Variants in DSCAM observed in about 807,000 individuals in gnomAD.
The protein encoded by DSCAM is DS cell adhesion molecule, also known as cell adhesion molecule DSCAM.
DSCAM carries 47 observed loss-of-function variants against 217.7 expected under a neutral mutation model. That is an observed-to-expected ratio of 0.22 (90% confidence interval 0.17 to 0.28). DSCAM has a LOEUF of 0.28. Ranked by LOEUF, DSCAM falls within the 10% of genes least tolerant of loss-of-function variation. The pLI, the probability that DSCAM is intolerant of heterozygous loss-of-function variation, is 1.00. For synonymous variants in DSCAM, 1,056 were observed against 1,015.3 expected (o/e 1.04, Z -0.76); for missense variants, 2,080 against 2,618.3 (o/e 0.79, Z 4.49).
chr21:40,396,926 A>T (rs2075183668), intron 3 of DSCAM, among the ~76,000 whole-genome samples: 2 of 152,148 alleles, frequency 1.3e-5, no homozygotes, highest in Admixed American at 6.5e-5. Context: ...AAAGAACTGA[A>T]ACTTCCCAGA....
chr21:40,414,013 C>G (rs2075347704), intron 3 of DSCAM, among the ~76,000 whole-genome samples: 1 of 152,144 alleles, frequency 6.6e-6, no homozygotes, highest in Admixed American at 6.5e-5. Context: ...AGAGCTGAAA[C>G]TGTAATATTT....
At chr21:40,233,474 C>A (rs951787319) in intron 11 of DSCAM, among the ~76,000 whole-genome samples, 7 of 152,098 alleles carry the variant, frequency 4.6e-5, no homozygotes, top group African/African-American at 1.7e-4. Flanking sequence ...ACTGACCATG[C>A]TTCAATATGT....
chr21:40,360,106 G>A (rs2074741957), intron 4 of DSCAM, among the ~76,000 whole-genome samples: 1 of 143,730 alleles, frequency 7.0e-6, no homozygotes, highest in Non-Finnish European at 1.5e-5. Context: ...TAGTGAGCAT[G>A]GTACTTCATA....
chr21:40,205,938 G>T (rs1390845825), intron 11 of DSCAM, among the ~76,000 whole-genome samples: 1 of 152,184 alleles, frequency 6.6e-6, no homozygotes, highest in African/African-American at 2.4e-5. Context: ...ATAAGTATTG[G>T]AGGTTTTACC....
At position 40,439,538 on chromosome 21, in the gene DSCAM, T is replaced by C. The variant is rs143481144; in HGVS notation, c.509-70293A>G. On this transcript the variant is annotated intron_variant, in intron 3 of 32. Transcript: ENST00000400454. ...ATGTATTCGGAACCTCAGACAGAAGTGGCTGAGATCTGAGTCCCATGCACA... is the reference window on the plus strand; with the variant it reads ...ATGTATTCGGAACCTCAGACAGAAGCGGCTGAGATCTGAGTCCCATGCACA... Among the ~76,000 whole-genome samples the C allele has an allele frequency of 6.2e-4, 94 of 152,350 alleles. 1 individual carries two copies. In the East Asian group the frequency reaches 0.017, roughly 27 times the overall value.
intron 11 of DSCAM, among the ~76,000 whole-genome samples, chr21:40,238,147 A>G (rs1333355728): frequency 6.6e-6 from 1 of 152,194 alleles, no homozygotes; most frequent in African/African-American, 2.4e-5. Context: ...TTTTTAAACC[A>G]TAATACTCCA....
At chr21:40,175,702 G>T (rs1019878518) in intron 15 of DSCAM, among the ~76,000 whole-genome samples, 4 of 151,038 alleles carry the variant, frequency 2.6e-5, no homozygotes, top group African/African-American at 9.7e-5. Context: ...GAAAGGGAAG[G>T]CATGAACATT....
intron 16 of DSCAM, among the ~76,000 whole-genome samples, chr21:40,146,405 G>T (rs1407842150): frequency 6.6e-6 from 1 of 152,116 alleles, no homozygotes; most frequent in Non-Finnish European, 1.5e-5. Flanking sequence ...CCTGCCAAAT[G>T]TGACCGGGGG....
At chr21:40,357,886 T>TG (rs2074713368) in intron 4 of DSCAM, among the ~76,000 whole-genome samples, 1 of 151,436 alleles carries the variant, frequency 6.6e-6, no homozygotes, top group African/African-American at 2.4e-5. Context: ...ACAAAAAATG[T>TG]GAGAATATAA....
intron 3 of DSCAM, among the ~76,000 whole-genome samples, chr21:40,564,321 G>T (rs1026664287): frequency 6.6e-6 from 1 of 152,162 alleles, no homozygotes; most frequent in African/African-American, 2.4e-5. Flanking sequence ...GAACAAAAAT[G>T]AAAACAATGG....
At chr21:40,379,711 CCTG>C (rs2075001272) in intron 3 of DSCAM, among the ~76,000 whole-genome samples, 1 of 152,184 alleles carries the variant, frequency 6.6e-6, no homozygotes, top group Non-Finnish European at 1.5e-5. Flanking sequence ...GCCCCACTTA[CCTG>C]CTGCCCCCAA....
At chr21:40,385,802 TAAG>T (rs1458525327) in intron 3 of DSCAM, among the ~76,000 whole-genome samples, 1 of 152,068 alleles carries the variant, frequency 6.6e-6, no homozygotes, top group East Asian at 1.9e-4. Flanking sequence ...TATATTTTTT[TAAG>T]AAGAAAAATC....
At chr21:40,059,696 T>C (rs998590203) in intron 28 of DSCAM, among the ~76,000 whole-genome samples, 6 of 152,222 alleles carry the variant, frequency 3.9e-5, no homozygotes, top group Non-Finnish European at 7.3e-5. Context: ...AATTTTTTAT[T>C]TTATTTTTAT....
chr21:40,824,176 C>T (rs1306538515), intron 1 of DSCAM, among the ~76,000 whole-genome samples: 2 of 152,086 alleles, frequency 1.3e-5, no homozygotes, highest in African/African-American at 4.8e-5. Context: ...CATCACTGTC[C>T]TAGTGGCAGA....
chr21:40,071,517 C>A (rs1180155255), intron 27 of DSCAM, among the ~76,000 whole-genome samples: 1 of 152,174 alleles, frequency 6.6e-6, no homozygotes, highest in Non-Finnish European at 1.5e-5. Flanking sequence ...CTGTTTCTAG[C>A]AATTGAAAAA....
chr21:40,742,129 G>A (rs992836984), intron 1 of DSCAM, among the ~76,000 whole-genome samples: 7 of 152,140 alleles, frequency 4.6e-5, no homozygotes, highest in Non-Finnish European at 7.3e-5. Context: ...GGTAACCTTG[G>A]CATTTTAAGA....
chr21:40,523,221 C>T (rs954107021), intron 3 of DSCAM, among the ~76,000 whole-genome samples: 1 of 152,166 alleles, frequency 6.6e-6, no homozygotes, highest in East Asian at 1.9e-4. Context: ...GCTCTACTCC[C>T]AGGCCTGTGC....
chr21:40,252,679 T>G (rs771203898), intron 11 of DSCAM, among the ~76,000 whole-genome samples: 3 of 152,198 alleles, frequency 2.0e-5, no homozygotes, highest in Non-Finnish European at 1.5e-5. Context: ...TAGGGACTTT[T>G]TACTATTGCC....
intron 4 of DSCAM, among the ~76,000 whole-genome samples, chr21:40,365,334 G>A (rs367565497): frequency 4.6e-5 from 7 of 152,274 alleles, no homozygotes; most frequent in Admixed American, 3.3e-4. Flanking sequence ...TCTTTCTCCC[G>A]TGCTGGATGC....
Sources: allele counts gnomAD v4.1 joint callset (sites outside exome capture counted in the v4.1 genomes callset), GRCh38; gene constraint gnomAD v4.1.1; transcripts MANE v1.5; gene names NCBI Gene and HGNC (gene_info 2026-07-23, HGNC 2026-07-21).